Variants in GRIA1 observed in about 807,000 individuals in gnomAD.
The protein encoded by GRIA1 is glutamate ionotropic receptor AMPA type subunit 1.
A neutral mutation model predicts 99.2 loss-of-function variants in GRIA1; 31 were observed. That is an observed-to-expected ratio of 0.31 (90% confidence interval 0.23 to 0.42). The LOEUF (loss-of-function observed/expected upper bound fraction) is 0.42. Among genes scored for constraint, GRIA1 ranks in the 10% least tolerant of loss-of-function variants. The pLI is 1.00. For missense variants in GRIA1, 782 were observed against 1,157.5 expected (o/e 0.68, Z 4.71); for synonymous variants, 438 against 432.4 (o/e 1.01, Z -0.16).
At chr5:153,570,344 G>A (rs957761777) in intron 2 of GRIA1, among the ~76,000 whole-genome samples, 11 of 152,174 alleles carry the variant, frequency 7.2e-5, no homozygotes, top group African/African-American at 1.4e-4. Flanking sequence ...GCTCATGTAT[G>A]TCCTACAAGA....
intron 2 of GRIA1, among the ~76,000 whole-genome samples, chr5:153,630,193 A>T (rs1166060539): frequency 6.6e-6 from 1 of 152,214 alleles, no homozygotes; most frequent in Non-Finnish European, 1.5e-5. Context: ...ATTTTCTAGC[A>T]TTAAAGTGCT....
intron 2 of GRIA1, among the ~76,000 whole-genome samples, chr5:153,548,009 T>G (rs1759768026): frequency 6.6e-6 from 1 of 152,200 alleles, no homozygotes; most frequent in South Asian, 2.1e-4. Context: ...TGACATTGTC[T>G]TTTGGTAAAT....
intron 2 of GRIA1, among the ~76,000 whole-genome samples, chr5:153,590,506 ATGTGTGTGTGTGTGTGTGTGTGTG>A (rs5872325): frequency 4.8e-4 from 71 of 147,948 alleles, no homozygotes; most frequent in African/African-American, 1.2e-3. Context: ...AGCTATTGAA[ATGTGTGTGTGTGTGTGTGTGTGTG>A]TGTGTGTGTG....
intron 2 of GRIA1, among the ~76,000 whole-genome samples, chr5:153,552,239 A>C (rs1321515392): frequency 9.0e-6 from 1 of 110,670 alleles, no homozygotes; most frequent in Non-Finnish European, 2.3e-5. Flanking sequence ...GATTTTCAGC[A>C]AAAAAAAAGA....
At chr5:153,793,249 C>T (rs938812646) in intron 13 of GRIA1, among the ~76,000 whole-genome samples, 2 of 152,152 alleles carry the variant, frequency 1.3e-5, no homozygotes, top group Non-Finnish European at 1.5e-5. Context: ...GAACAGGCAC[C>T]TGGGATTCAT....
chr5:153,562,547 A>G (rs536274672), intron 2 of GRIA1, among the ~76,000 whole-genome samples: 1 of 152,212 alleles, frequency 6.6e-6, no homozygotes, highest in African/African-American at 2.4e-5. Flanking sequence ...TTGGAAATTC[A>G]TGCATGTCTT....
chr5:153,735,375 G>C lies in GRIA1; in HGVS notation c.1824-29059G>C, dbSNP rs570098228. Among the ~76,000 whole-genome samples, 305 of 152,296 alleles carry C rather than the reference G, an allele frequency of 2.0e-3. 2 individuals carry two copies. The highest frequency in any genetic ancestry group is 0.012 in the South Asian group (58 of 4,832). On this transcript the variant is annotated intron_variant, in intron 11 of 15. Coordinates refer to ENST00000285900, the MANE Select transcript of GRIA1 (RefSeq NM_000827.4). ...CACAACTCTAAGGGGGTCCACGTGA[G>C]AGAGTCATGATCAACTGAGCAAGCA...
At chr5:153,574,715 G>A (rs1762389885) in intron 2 of GRIA1, among the ~76,000 whole-genome samples, 1 of 152,014 alleles carries the variant, frequency 6.6e-6, no homozygotes, top group Admixed American at 6.6e-5. Flanking sequence ...TTTTGTCTGA[G>A]GCAAAGCAAA....
At chr5:153,715,344 C>A (rs1233203805) in intron 11 of GRIA1, among the ~76,000 whole-genome samples, 1 of 151,810 alleles carries the variant, frequency 6.6e-6, no homozygotes, top group East Asian at 1.9e-4. Flanking sequence ...CAACTCCTTC[C>A]CCATTTGCAA....
At chr5:153,535,908 A>G (rs968768311) in intron 2 of GRIA1, among the ~76,000 whole-genome samples, 9 of 152,206 alleles carry the variant, frequency 5.9e-5, no homozygotes, top group African/African-American at 1.7e-4. Context: ...CACGCTGTCA[A>G]TGGTGGCAGG....
chr5:153,657,762 G>C lies in GRIA1; in HGVS notation c.699+1890G>C, dbSNP rs141227699. 9.0e-3 allele frequency among the ~76,000 whole-genome samples: 1,371 copies of C among 152,270 alleles called. 10 individuals carry two copies. Among genetic ancestry groups the C allele is most frequent in the Non-Finnish European group, 0.015 (1,047 of 68,036 alleles). ...TGTCTTGGCAATATTTCGGAGTGAG[G>C]ACTTGAAATAAGAAGGGCTTAGAGA... On this transcript the variant is annotated intron_variant, in intron 5 of 15. Coordinates refer to ENST00000285900, the MANE Select transcript of GRIA1 (RefSeq NM_000827.4).
intron 5 of GRIA1, among the ~76,000 whole-genome samples, chr5:153,660,076 G>C (rs1755250039): frequency 1.3e-5 from 2 of 152,152 alleles, no homozygotes; most frequent in Non-Finnish European, 2.9e-5. Context: ...CTGAGGCTGA[G>C]ACATTACATG....
At chr5:153,631,719 T>C (rs1026072357) in intron 2 of GRIA1, among the ~76,000 whole-genome samples, 2 of 152,174 alleles carry the variant, frequency 1.3e-5, no homozygotes. Context: ...ATTTTTTAAA[T>C]AATCTAATTG....
chr5:153,810,688 A>T (rs1475646540), intron 15 of GRIA1, among the ~76,000 whole-genome samples: 3 of 152,222 alleles, frequency 2.0e-5, no homozygotes. Context: ...TTTTCCACTT[A>T]GTTGTGTTGC....
chr5:153,690,980 A>T (rs1757703860), intron 8 of GRIA1, among the ~76,000 whole-genome samples: 1 of 152,192 alleles, frequency 6.6e-6, no homozygotes, highest in South Asian at 2.1e-4. Flanking sequence ...GATTGTGTAT[A>T]GTAAAAAGGA....
At chr5:153,533,263 G>A (rs1758247906) in intron 2 of GRIA1, among the ~76,000 whole-genome samples, 1 of 152,046 alleles carries the variant, frequency 6.6e-6, no homozygotes, top group Non-Finnish European at 1.5e-5. Context: ...TCTTCCAAAG[G>A]CATTTCAATT....
At chr5:153,736,795 A>G (rs1027162414) in intron 11 of GRIA1, among the ~76,000 whole-genome samples, 1 of 152,136 alleles carries the variant, frequency 6.6e-6, no homozygotes, top group Non-Finnish European at 1.5e-5. Flanking sequence ...CCTGAAAAAA[A>G]TATAGTGGAC....
intron 2 of GRIA1, among the ~76,000 whole-genome samples, chr5:153,589,417 T>C (rs1763771808): frequency 6.6e-6 from 1 of 152,046 alleles, no homozygotes; most frequent in South Asian, 2.1e-4. Flanking sequence ...TTGCCAAATT[T>C]CAACTTTAAA....
intron 2 of GRIA1, among the ~76,000 whole-genome samples, chr5:153,562,075 A>C (rs1434011874): frequency 6.6e-6 from 1 of 152,098 alleles, no homozygotes; most frequent in Non-Finnish European, 1.5e-5. Context: ...TAAGACTTTG[A>C]GAACCAAGTT....
Sources: gnomAD v4.1 joint callset for allele counts (sites outside exome capture counted in the v4.1 genomes callset) on GRCh38, gnomAD v4.1.1 for gene constraint, MANE v1.5 for transcripts, NCBI Gene and HGNC (gene_info 2026-07-23, HGNC 2026-07-21) for gene names.